TPPP: variants seen among roughly 807,000 people sequenced by gnomAD.
TPPP encodes the protein tubulin polymerization promoting protein, also known as tubulin polymerization-promoting protein.
In TPPP, 6 loss-of-function variants were observed where a neutral mutation model predicts 15.5. The ratio of observed to expected loss-of-function variants is 0.39; its 90% confidence interval spans 0.21 to 0.77. TPPP has a LOEUF of 0.77. TPPP is among the 30% of genes least tolerant of loss of function. The pLI is 0.42. For synonymous variants in TPPP, 146 were observed against 133.9 expected (o/e 1.09, Z -0.63); for missense variants, 269 against 307.2 (o/e 0.88, Z 0.93).
At chr5:697,339 G>A (rs1303510395), upstream of TPPP, among the ~76,000 whole-genome samples, 6 of 140,330 alleles carry the variant, frequency 4.3e-5, no homozygotes, top group Admixed American at 3.7e-4. Context: ...TTCTTAATAC[G>A]CCAGCCATCG....
At chr5:674,488 G>A (rs577496994) in intron 2 of TPPP, among the ~76,000 whole-genome samples, 105 of 151,978 alleles carry the variant, frequency 6.9e-4, no homozygotes, top group Non-Finnish European at 1.2e-3. Context: ...TCCCTCTCCC[G>A]GTCCGAGTGC....
rs3762953 is a variant in TPPP, at chr5:662,791, T to C, written c.*2311A>G. 0.093 allele frequency: 12,190 copies of C among 131,406 alleles called. 756 individuals are homozygous for C. The highest frequency in any genetic ancestry group is 0.2 in the African/African-American group (7,214 of 36,874). 8.1% of individuals were successfully genotyped at this position (131,406 alleles called of 1,614,324 possible). A position where few individuals can be genotyped will look rare whatever the true frequency, so the allele number is the denominator to read the frequency against. ...GGGAGCCACCCTGTTTGGTGACCAC[T>C]CGTCCTCGGCCTTTTCAACACAAGG... On this transcript the variant is annotated 3_prime_UTR_variant, in exon 4 of 4. Transcript: ENST00000360578.
At chr5:665,930 A>G (rs1055583148) in intron 3 of TPPP, 40 bp downstream of exon 3, 5 of 143,400 alleles carry the variant, frequency 3.5e-5, no homozygotes, top group South Asian at 1.6e-4. Context: ...CCCCGCCCCC[A>G]CCCCCTCCAG....
Position 693,330 on chromosome 5 carries a change from G to C in TPPP, c.-57C>G, listed in dbSNP as rs1740945031. The C allele has an allele frequency of 1.3e-5, 2 of 150,156 alleles. No individual in the cohort carries two copies. Among genetic ancestry groups the C allele is most frequent in the African/African-American group, 4.9e-5 (2 of 41,082 alleles). The allele number at this position is 150,156 out of a possible 1,614,324, so 9.3% of individuals were successfully genotyped here. ...GCGCCTCCGCGACTCGGCCGCGCGCGACCCGGTGCTCAGCGGAGCTCTCCA... is the reference window on the plus strand; with the variant it reads ...GCGCCTCCGCGACTCGGCCGCGCGCCACCCGGTGCTCAGCGGAGCTCTCCA... On this transcript the variant is annotated 5_prime_UTR_variant, in exon 1 of 4. Transcript: ENST00000360578.
intron 2 of TPPP, among the ~76,000 whole-genome samples, chr5:673,942 C>T (rs761642964): frequency 3.3e-5 from 5 of 152,228 alleles, no homozygotes; most frequent in Non-Finnish European, 5.9e-5. Context: ...TGTGTGCAGG[C>T]GTGTGTGTGC....
chr5:692,735 C>T (rs1193124163), intron 1 of TPPP: 1 of 980,488 alleles, frequency 1.0e-6, no homozygotes, highest in African/African-American at 1.8e-5. Context: ...GGCGGTCTGA[C>T]AGCCCCACCT....
chr5:686,548 G>T (rs1740772875), intron 1 of TPPP, among the ~76,000 whole-genome samples: 2 of 143,914 alleles, frequency 1.4e-5, no homozygotes, highest in Non-Finnish European at 3.0e-5. Context: ...CAGGGCACCT[G>T]CAGGCAGCTG....
chr5:700,432 C>A, the TPPP span, among the ~76,000 whole-genome samples: 1 of 151,892 alleles, frequency 6.6e-6, no homozygotes, highest in African/African-American at 2.4e-5. Flanking sequence ...ACTGGACACT[C>A]CAAAAGGTGG....
intron 2 of TPPP, among the ~76,000 whole-genome samples, chr5:676,953 GCA>G (rs1561088453): frequency 2.7e-5 from 4 of 146,376 alleles, no homozygotes; most frequent in East Asian, 2.0e-4. Context: ...GCAGAAACGC[GCA>G]CACGTGCACA....
intron 1 of TPPP, among the ~76,000 whole-genome samples, chr5:681,108 C>T (rs1474276468): frequency 6.6e-6 from 1 of 152,228 alleles, no homozygotes; most frequent in East Asian, 1.9e-4. Flanking sequence ...TGGCGCTCTC[C>T]ACCGAGCATG....
Position 665,116 on chromosome 5 carries a change from GCAC to G in TPPP, c.643_645del (p.Val215del). 6.2e-7 allele frequency: 1 copy of G among 1,610,998 alleles called. No homozygotes were observed. The highest frequency in any genetic ancestry group is 8.5e-7 in the Non-Finnish European group (1 of 1,179,938). Reference sequence around the variant, plus strand: ...TGGAGCGGGGGCTACTTGCCCCCTTGCACCTTCTGGTCGTAGGTGCCTGCGTGC... The same window carrying G: ...TGGAGCGGGGGCTACTTGCCCCCTTGCTTCTGGTCGTAGGTGCCTGCGTGC... On this transcript the variant is annotated inframe_deletion, in exon 4 of 4. Transcript: ENST00000360578.
chr5:670,311 C>T (rs1408928642), intron 2 of TPPP, among the ~76,000 whole-genome samples: 2 of 152,304 alleles, frequency 1.3e-5, no homozygotes, highest in Middle Eastern at 3.4e-3. Context: ...GGCGAGGTGA[C>T]AGCTACCAGC....
At chr5:665,333 G>T in intron 3 of TPPP, 37 bp from the exon 4 acceptor site, 1 of 1,583,064 alleles carries the variant, frequency 6.3e-7, no homozygotes, top group East Asian at 2.3e-5. Flanking sequence ...CAGGTGAGTT[G>T]CGAGCCAGGT....
upstream of TPPP, among the ~76,000 whole-genome samples, chr5:696,866 GTGTC>G (rs150041616): frequency 0.26 from 25,434 of 96,332 alleles, 18 homozygotes; most frequent in African/African-American, 0.44. Context: ...AGCTGTGTGT[GTGTC>G]TATTTGTGTG....
In TPPP at chr5:663,307, G is replaced by C. The variant is rs1318461447; in HGVS notation, c.*1795C>G. The C allele has an allele frequency of 1.3e-5, 2 of 152,424 alleles. No individual in the cohort carries two copies. Among genetic ancestry groups the C allele is most frequent in the Non-Finnish European group, 2.9e-5 (2 of 68,068 alleles). The allele number at this position is 152,424 out of a possible 1,614,324, so 9.4% of individuals were successfully genotyped here. A position where few individuals can be genotyped will look rare whatever the true frequency, so the allele number is the denominator to read the frequency against. ...CACGCGGTCCAGCCAGGTTCAGCGG[G>C]GGCACAGGGCTGGGCTTGGGCACCC... On this transcript the variant is annotated 3_prime_UTR_variant, in exon 4 of 4. Transcript: ENST00000360578.
At chr5:678,169 A>G in intron 1 of TPPP, 105 bp from the exon 2 acceptor site, 1 of 1,273,930 alleles carries the variant, frequency 7.8e-7, no homozygotes, top group South Asian at 1.6e-5. Context: ...GGACGTGGCG[A>G]GGGCTGAGAT....
upstream of TPPP, among the ~76,000 whole-genome samples, chr5:697,713 C>T (rs1170072963): frequency 2.0e-5 from 3 of 151,984 alleles, no homozygotes; most frequent in African/African-American, 7.2e-5. Flanking sequence ...ATGCCCTGCA[C>T]TCAGCCCAGG....
chr5:699,264 A>G, the TPPP span, among the ~76,000 whole-genome samples: 1 of 152,138 alleles, frequency 6.6e-6, no homozygotes, highest in Non-Finnish European at 1.5e-5. Context: ...TAACCAAAAC[A>G]GCATGGTAGT....
intron 2 of TPPP, chr5:676,624 C>G (rs915947569): frequency 6.6e-6 from 1 of 152,220 alleles, no homozygotes; most frequent in Non-Finnish European, 1.5e-5. Flanking sequence ...GGACGGGGCT[C>G]AGGGAGAACC....
Sources: allele counts gnomAD v4.1 joint callset (sites outside exome capture counted in the v4.1 genomes callset), GRCh38; gene constraint gnomAD v4.1.1; transcripts MANE v1.5; gene names NCBI Gene and HGNC (gene_info 2026-07-23, HGNC 2026-07-21).